Variants in GNG7 observed in about 807,000 individuals in gnomAD.
The protein encoded by GNG7 is G protein subunit gamma 7, also known as guanine nucleotide-binding protein G(I)/G(S)/G(O) subunit gamma-7.
In GNG7, 1 loss-of-function variant was observed where a neutral mutation model predicts 4.0. The ratio of observed to expected loss-of-function variants is 0.25; its 90% CI spans 0.09 to 1.18. The LOEUF is 1.18. Ranked by LOEUF, GNG7 falls within the 50% of genes most tolerant of loss-of-function variation. The pLI is 0.50. For missense variants in GNG7, 86 were observed against 91.9 expected (o/e 0.94, Z 0.26); for synonymous variants, 34 against 36.9 (o/e 0.92, Z 0.29).
intron 2 of GNG7, among the ~76,000 whole-genome samples, chr19:2,577,954 C>G (rs987052361): frequency 6.6e-6 from 1 of 151,634 alleles, no homozygotes; most frequent in African/African-American, 2.4e-5. Context: ...CCTCCCACCT[C>G]AGCCCCTCGA....
rs1294187680 is a variant in GNG7 at position 2,628,482 on chromosome 19, TC to T, written c.-78+17741del. Among the ~76,000 whole-genome samples the T allele has an allele frequency of 2.0e-5, 3 of 151,870 alleles. No homozygotes were observed. The East Asian group carries it at 5.8e-4, about 29-fold the overall frequency. The stretch of plus-strand genomic sequence containing the variant: ...GCTTTCTTTAAGGCAAGAAACCCCT[TC>T]CCTTTCTCTCTTTCTTTCAACTGTG... On this transcript the variant is annotated intron_variant, in intron 2 of 4. Transcript: ENST00000382159.
chr19:2,687,915 G>A (rs950347848), intron 1 of GNG7, among the ~76,000 whole-genome samples: 1 of 150,028 alleles, frequency 6.7e-6, no homozygotes, highest in Non-Finnish European at 1.5e-5. Flanking sequence ...AGCTGAGATC[G>A]TGCCACTGTA....
At chr19:2,581,360 G>T (rs1010488742) in intron 2 of GNG7, among the ~76,000 whole-genome samples, 1 of 151,276 alleles carries the variant, frequency 6.6e-6, no homozygotes, top group East Asian at 2.0e-4. Context: ...GGTGTCTCTC[G>T]GGTGGCCTGG....
chr19:2,561,194 A>C (rs1979731154), intron 2 of GNG7, among the ~76,000 whole-genome samples: 2 of 151,694 alleles, frequency 1.3e-5, no homozygotes, highest in African/African-American at 4.8e-5. Context: ...GGTCCGTGGA[A>C]TCCCATAACC....
chr19:2,597,720 C>T (rs1981065803), intron 2 of GNG7, among the ~76,000 whole-genome samples: 1 of 150,902 alleles, frequency 6.6e-6, no homozygotes, highest in Non-Finnish European at 1.5e-5. Flanking sequence ...CACGGTGAAA[C>T]CCCGTCTCTA....
At chr19:2,694,443 C>T (rs72980708) in intron 1 of GNG7, among the ~76,000 whole-genome samples, 10,595 of 151,588 alleles carry the variant, frequency 0.07, 501 homozygotes, top group Non-Finnish European at 0.11. Flanking sequence ...AGCCCAGAGA[C>T]GCTGCTCAGC....
chr19:2,635,923 ATTT>A (rs1192109431), intron 2 of GNG7, among the ~76,000 whole-genome samples: 2 of 152,124 alleles, frequency 1.3e-5, no homozygotes, highest in Admixed American at 6.5e-5. Flanking sequence ...ACTGAGTGAT[ATTT>A]GGGGACATTT....
At chr19:2,594,119 C>T (rs1980935970) in intron 2 of GNG7, among the ~76,000 whole-genome samples, 1 of 152,060 alleles carries the variant, frequency 6.6e-6, no homozygotes, top group South Asian at 2.1e-4. Context: ...GCCTGTAATC[C>T]CAGCGCTTTG....
intron 2 of GNG7, among the ~76,000 whole-genome samples, chr19:2,603,113 C>T (rs1451096754): frequency 6.6e-6 from 1 of 151,514 alleles, no homozygotes; most frequent in African/African-American, 2.4e-5. Context: ...GTTGCCCAGG[C>T]TGGAGCACAA....
intron 2 of GNG7, among the ~76,000 whole-genome samples, chr19:2,571,198 A>T (rs1980135083): frequency 6.6e-6 from 1 of 152,170 alleles, no homozygotes; most frequent in African/African-American, 2.4e-5. Flanking sequence ...GACGACGCCC[A>T]GTGTCTTCTA....
At position 2,567,132 on chromosome 19, in the gene GNG7, C is replaced by CA. The variant is rs146646976; in HGVS notation, c.-77-11945dup. Among the ~76,000 whole-genome samples, 336 of 139,008 alleles carry CA rather than the reference C, an allele frequency of 2.4e-3. 5 individuals carry two copies. The highest frequency in any genetic ancestry group is 0.021 in the South Asian group (93 of 4,484). The allele number at this position is 139,008 out of a possible 152,430, so 91.2% of individuals were successfully genotyped here. A position where few individuals can be genotyped will look rare whatever the true frequency, so the allele number is the denominator to read the frequency against. On this transcript the variant is annotated intron_variant, in intron 2 of 4. Transcript: ENST00000382159. ...GTCTCAAAAAAAAAAACAAAAAAAA[C>CA]AAAAAAAAAACAAAAAAAAAAACAC...
intron 1 of GNG7, among the ~76,000 whole-genome samples, chr19:2,670,363 C>A (rs535649917): frequency 1.3e-5 from 2 of 152,200 alleles, no homozygotes; most frequent in African/African-American, 4.8e-5. Flanking sequence ...CCGCGGGAGC[C>A]GTGCTGTCAC....
Position 2,511,848 on chromosome 19 carries a change from G to T in GNG7, c.*3174C>A, listed in dbSNP as rs1972660225. The stretch of plus-strand genomic sequence containing the variant: ...CTGTGCTTGGCCTGGGGTTACCCCT[G>T]GGGAGGGTGGGAGAGGGGTGAGGGT... On this transcript the variant is annotated 3_prime_UTR_variant, in exon 5 of 5. Transcript: ENST00000382159. This position sits in a 1 kb window ranked among gnomAD's most constrained non-coding sequence, Gnocchi z 6.3. The T allele has an allele frequency of 5.1e-6, 5 of 986,088 alleles. No homozygotes were observed. The South Asian group carries it at 1.4e-4, about 28-fold the overall frequency. The allele number at this position is 986,088 out of a possible 1,614,324, so 61.1% of individuals were successfully genotyped here.
chr19:2,681,327 G>GAGCC (rs1983730296), intron 1 of GNG7, among the ~76,000 whole-genome samples: 1 of 152,004 alleles, frequency 6.6e-6, no homozygotes. Flanking sequence ...GGGACTACAG[G>GAGCC]CGCCCGCCAC....
chr19:2,692,184 C>T (rs543964521), intron 1 of GNG7, among the ~76,000 whole-genome samples: 16 of 151,794 alleles, frequency 1.1e-4, no homozygotes, highest in African/African-American at 3.9e-4. Flanking sequence ...CCAAGGCCAG[C>T]GAAGTCCAGG....
chr19:2,641,458 G>A (rs1178337453), intron 2 of GNG7, among the ~76,000 whole-genome samples: 2 of 145,110 alleles, frequency 1.4e-5, no homozygotes, highest in Non-Finnish European at 3.1e-5. Flanking sequence ...GCAGGAGGGT[G>A]AGAGTCAAAC....
At chr19:2,679,409 A>AGT (rs1983674335) in intron 1 of GNG7, among the ~76,000 whole-genome samples, 1 of 152,150 alleles carries the variant, frequency 6.6e-6, no homozygotes, top group Admixed American at 6.6e-5. Context: ...CAGCAATAAC[A>AGT]GTGATAACCA....
At chr19:2,594,409 A>C (rs935264251) in intron 2 of GNG7, among the ~76,000 whole-genome samples, 2 of 30,236 alleles carry the variant, frequency 6.6e-5, no homozygotes, top group African/African-American at 1.3e-4. Flanking sequence ...GAAGGAGGGA[A>C]GGAAGGAAGG....
chr19:2,599,598 G>A (rs1025539622), intron 2 of GNG7, among the ~76,000 whole-genome samples: 2 of 152,264 alleles, frequency 1.3e-5, no homozygotes, highest in African/African-American at 4.8e-5. Context: ...TGTGACACCG[G>A]CGTTCAGGCA....
Sources: allele counts gnomAD v4.1 joint callset (sites outside exome capture counted in the v4.1 genomes callset), GRCh38; gene constraint gnomAD v4.1.1; non-coding constraint Gnocchi (gnomAD v3.1); transcripts MANE v1.5; gene names NCBI Gene and HGNC (gene_info 2026-07-23, HGNC 2026-07-21).